Variants in PARD3B observed in about 807,000 individuals in gnomAD.
The protein encoded by PARD3B is par-3 family cell polarity regulator beta.
PARD3B carries 103 observed loss-of-function variants against 130.2 expected under a neutral mutation model. The ratio of observed to expected loss-of-function variants is 0.79; its 90% CI spans 0.67 to 0.93. PARD3B has a LOEUF of 0.93. PARD3B is among the 40% of genes least tolerant of loss of function. The pLI is 0.00. For synonymous variants in PARD3B, 583 were observed against 553.2 expected, an observed-to-expected ratio of 1.05 and a Z score of -0.76; for missense variants, 1,609 against 1,499.2, an observed-to-expected ratio of 1.07 and a Z score of -1.21.
chr2:204,656,032 G>A (rs2035627372), intron 1 of PARD3B, among the ~76,000 whole-genome samples: 1 of 151,964 alleles, frequency 6.6e-6, no homozygotes. Flanking sequence ...TCATAGCAAA[G>A]GAAATGTTCT....
In PARD3B at chr2:205,463,315, A is replaced by G. The variant is rs939796086; in HGVS notation, c.3044+22643A>G. The stretch of plus-strand genomic sequence containing the variant: ...GGGGAACTCAGCTGAGGTGAGGAAC[A>G]CGTCCACGAGTTTCCCCTGTGGGCA... On this transcript the variant is annotated intron_variant, in intron 20 of 22. Coordinates refer to ENST00000406610, the MANE Select transcript of PARD3B (RefSeq NM_001302769.2). The surrounding 1 kb of genome is among the most constrained non-coding windows in gnomAD (Gnocchi z 4.8). Among the ~76,000 whole-genome samples the G allele has an allele frequency of 1.3e-5, 2 of 152,112 alleles. No homozygotes were observed. Among genetic ancestry groups the G allele is most frequent in the African/African-American group, 4.8e-5 (2 of 41,420 alleles).
rs1553636919 is a variant in PARD3B, at chr2:205,197,032, G to GGGGT, written c.2140+3713_2140+3714insGGTG. On this transcript the variant is annotated intron_variant, in intron 15 of 22. Coordinates refer to ENST00000406610, the MANE Select transcript of PARD3B (RefSeq NM_001302769.2). Reference sequence around the variant, plus strand: ...AGGAATGCTTCCACTGTGGGGGGGGGGTGTGTGTGTGTGTGTGTGTGTGTG... The same window carrying GGGGT: ...AGGAATGCTTCCACTGTGGGGGGGGGGGGTGTGTGTGTGTGTGTGTGTGTGTGTG... Among the ~76,000 whole-genome samples, 180 of 55,058 alleles carry GGGGT rather than the reference G, an allele frequency of 3.3e-3. 2 individuals carry two copies. The highest frequency in any genetic ancestry group is 4.0e-3 in the Non-Finnish European group (122 of 30,882). The allele number at this position is 55,058 out of a possible 152,430, so 36.1% of individuals were successfully genotyped here. A position where few individuals can be genotyped will look rare whatever the true frequency, so the allele number is the denominator to read the frequency against.
chr2:205,473,703 T>C lies in PARD3B; in HGVS notation c.3045-26193T>C, dbSNP rs1020171575. ...GTGTATGTATATATATATATATATATATATATACACACACACGTATATAAA... is the reference window on the plus strand; with the variant it reads ...GTGTATGTATATATATATATATATACATATATACACACACACGTATATAAA... On this transcript the variant is annotated intron_variant, in intron 20 of 22. Transcript: ENST00000406610. The surrounding 1 kb of genome is among the most constrained non-coding windows in gnomAD (Gnocchi z 4.9). Among the ~76,000 whole-genome samples the C allele has an allele frequency of 9.1e-5, 12 of 131,934 alleles. No individual in the cohort carries two copies. Among genetic ancestry groups the C allele is most frequent in the African/African-American group, 3.3e-4 (11 of 32,922 alleles). The allele number at this position is 131,934 out of a possible 152,430, so 86.6% of individuals were successfully genotyped here. A position where few individuals can be genotyped will look rare whatever the true frequency, so the allele number is the denominator to read the frequency against.
At chr2:204,554,059 T>C (rs2030739592) in intron 1 of PARD3B, among the ~76,000 whole-genome samples, 2 of 152,100 alleles carry the variant, frequency 1.3e-5, no homozygotes, top group Non-Finnish European at 2.9e-5. Flanking sequence ...ATTTTAAAAA[T>C]ACTAAACATC....
At chr2:204,915,981 C>G (rs569153740) in intron 2 of PARD3B, among the ~76,000 whole-genome samples, 27 of 152,256 alleles carry the variant, frequency 1.8e-4, no homozygotes, top group African/African-American at 6.3e-4. Context: ...TAAGTCTGTA[C>G]AGTTGATTCC....
At chr2:204,618,811 A>T (rs1201789802) in intron 1 of PARD3B, among the ~76,000 whole-genome samples, 3 of 152,094 alleles carry the variant, frequency 2.0e-5, no homozygotes, top group African/African-American at 7.2e-5. Flanking sequence ...ATCTTGTTTG[A>T]CAGTCTTCAT....
chr2:205,158,787 C>T lies in PARD3B; in HGVS notation c.1500C>T (p.Pro500=), dbSNP rs1193386775. ...ETSEQLTFEI[P]LNDSGSAGLG... is the part of the protein sequence containing the mutation. ...GCGAGCAGCTCACCTTTGAGATCCC[C>T]CTGAATGATTCAGGTTCTGCTGGCC... Residue 500 remains proline (P), a synonymous_variant, in exon 11 of 23, where the codon CCC becomes CCT. Transcript: ENST00000406610. The surrounding 1 kb of genome is among the most constrained non-coding windows in gnomAD (Gnocchi z 5.4). The T allele has an allele frequency of 1.2e-6, 2 of 1,614,158 alleles. No homozygotes were observed. The highest frequency in any genetic ancestry group is 3.3e-4 in the Middle Eastern group (2 of 6,046).
At chr2:205,188,286 A>G (rs370759525) in intron 14 of PARD3B, among the ~76,000 whole-genome samples, 1 of 152,214 alleles carries the variant, frequency 6.6e-6, no homozygotes, top group East Asian at 1.9e-4. Flanking sequence ...GAAAGAATGC[A>G]GAGTGTGTTC....
intron 18 of PARD3B, among the ~76,000 whole-genome samples, chr2:205,372,136 T>C (rs950209424): frequency 6.6e-6 from 1 of 152,186 alleles, no homozygotes; most frequent in African/African-American, 2.4e-5. Context: ...GTACAAATTT[T>C]GCATGAATAT....
chr2:205,190,069 A>G (rs1273825158), intron 14 of PARD3B, among the ~76,000 whole-genome samples: 1 of 152,152 alleles, frequency 6.6e-6, no homozygotes, highest in Admixed American at 6.5e-5. Context: ...ATCCTTCTTG[A>G]TTATATGCCA....
intron 4 of PARD3B, among the ~76,000 whole-genome samples, chr2:205,059,598 C>T (rs1575670659): frequency 6.6e-6 from 1 of 151,908 alleles, no homozygotes; most frequent in South Asian, 2.1e-4. Flanking sequence ...TAATTTGTTC[C>T]ACCCCATGTT....
chr2:204,773,886 A>G (rs2041499540), intron 2 of PARD3B, among the ~76,000 whole-genome samples: 5 of 151,984 alleles, frequency 3.3e-5, no homozygotes. Context: ...GAACCATTTA[A>G]TGATTTTCGA....
At chr2:204,898,256 A>G (rs1283736474) in intron 2 of PARD3B, among the ~76,000 whole-genome samples, 1 of 152,092 alleles carries the variant, frequency 6.6e-6, no homozygotes. Context: ...ACATATGTAC[A>G]AGGTAAATGG....
rs1188379216 is a variant in PARD3B at position 204,824,519 on chromosome 2, C to A, written c.222+138237C>A. On this transcript the variant is annotated intron_variant, in intron 2 of 22. Coordinates refer to ENST00000406610, the MANE Select transcript of PARD3B (RefSeq NM_001302769.2). ...ATATTAAGCCCTCCTTGAACTATCT[C>A]TATTTGAGTACATCATATGCTTCCG... 3.9e-5 allele frequency among the ~76,000 whole-genome samples: 6 copies of A among 152,244 alleles called. 1 individual carries two copies. The South Asian group carries it at 8.3e-4, about 21-fold the overall frequency.
intron 22 of PARD3B, among the ~76,000 whole-genome samples, chr2:205,574,260 C>T (rs1350113026): frequency 6.6e-6 from 1 of 152,102 alleles, no homozygotes; most frequent in Non-Finnish European, 1.5e-5. Context: ...TGTAGATTGC[C>T]TAAACATAAT....
chr2:205,234,280 A>G (rs927304817), intron 15 of PARD3B, among the ~76,000 whole-genome samples: 2 of 152,170 alleles, frequency 1.3e-5, no homozygotes, highest in African/African-American at 2.4e-5. Context: ...TGATCATGGC[A>G]TTGCTCTCCA....
chr2:205,071,099 TTC>T (rs1700701105), intron 4 of PARD3B, among the ~76,000 whole-genome samples: 1 of 152,334 alleles, frequency 6.6e-6, no homozygotes, highest in Middle Eastern at 3.4e-3. Flanking sequence ...TTTCTTTGGC[TTC>T]TTTCTTATCA....
At position 204,662,557 on chromosome 2, in the gene PARD3B, A is replaced by G. The variant is rs76784039; in HGVS notation, c.121-23624A>G. Among the ~76,000 whole-genome samples, 66 of 152,366 alleles carry G rather than the reference A, an allele frequency of 4.3e-4. 1 individual carries two copies. Among genetic ancestry groups the G allele is most frequent in the African/African-American group, 1.6e-3 (65 of 41,590 alleles). ...ACAAGTTCTTTTTCTTTGCAGAACC[A>G]TCATACATCAGAAGTGCTTCATGTG... On this transcript the variant is annotated intron_variant, in intron 1 of 22. Transcript: ENST00000406610.
Position 205,253,680 on chromosome 2 carries a change from G to A in PARD3B, c.2185+7858G>A, listed in dbSNP as rs1196487415. 2.0e-5 allele frequency among the ~76,000 whole-genome samples: 3 copies of A among 152,098 alleles called. No homozygotes were observed. The highest frequency in any genetic ancestry group is 2.9e-5 in the Non-Finnish European group (2 of 67,992). On this transcript the variant is annotated intron_variant, in intron 16 of 22. Coordinates refer to ENST00000406610, the MANE Select transcript of PARD3B (RefSeq NM_001302769.2). This position sits in a 1 kb window ranked among gnomAD's most constrained non-coding sequence, Gnocchi z 4.4. The stretch of plus-strand genomic sequence containing the variant: ...TGGTTAGATGATGAAGGTAGTAGAA[G>A]GCAAGGATGATTGGGAGTAGAAGGA...
Sources: gnomAD v4.1 joint callset for allele counts (sites outside exome capture counted in the v4.1 genomes callset) on GRCh38, gnomAD v4.1.1 for gene constraint, Gnocchi (gnomAD v3.1) non-coding constraint, MANE v1.5 for transcripts, NCBI Gene and HGNC (gene_info 2026-07-23, HGNC 2026-07-21) for gene names.